YBX1: variants seen among roughly 807,000 people sequenced by gnomAD.
YBX1 encodes Y-box-binding protein 1.
Under a neutral mutation model 41.4 loss-of-function variants are expected in YBX1, and 3 were observed. The observed-to-expected ratio is 0.07, with a 90% CI of 0.03 to 0.19. YBX1 has a LOEUF of 0.19. YBX1 is among the 10% of genes least tolerant of loss of function. YBX1 has a pLI of 1.00. For synonymous variants in YBX1, 133 were observed against 165.8 expected, an observed-to-expected ratio of 0.80 and a Z score of 1.52; for missense variants, 274 against 462.8, an observed-to-expected ratio of 0.59 and a Z score of 3.74.
At chr1:42,693,419 G>T in intron 2 of YBX1, 71 bp from the exon 3 acceptor site, 1 of 1,586,486 alleles carries the variant, frequency 6.3e-7, no homozygotes. Context: ...AGAGTCTCTG[G>T]GAAAATTAAT....
chr1:42,683,046 C>T lies in YBX1; in HGVS notation c.166+315C>T, dbSNP rs560869993. Reference sequence around the variant, plus strand: ...GCCTCGTGCGCTCGGGCCCGCACGCCGTTGTTCGCGTCACCCCCACCCAGC... The same window carrying T: ...GCCTCGTGCGCTCGGGCCCGCACGCTGTTGTTCGCGTCACCCCCACCCAGC... On this transcript the variant is annotated intron_variant, in intron 1 of 7. Transcript: ENST00000321358. The T allele has an allele frequency of 1.1e-3, 475 of 425,500 alleles. 4 individuals carry two copies. Among genetic ancestry groups the T allele is most frequent in the South Asian group, 4.2e-3 (245 of 58,188 alleles). The allele number at this position is 425,500 out of a possible 1,614,324, so 26.4% of individuals were successfully genotyped here.
intron 2 of YBX1, among the ~76,000 whole-genome samples, chr1:42,692,819 G>A (rs10789424): frequency 0.49 from 74,637 of 151,970 alleles, 18,566 homozygotes; most frequent in African/African-American, 0.54. Flanking sequence ...CTACCCCCTC[G>A]CTTCTGACAT....
rs897219657 is a variant in YBX1, at chr1:42,703,589, A to G, written c.*1640A>G. 6.6e-6 allele frequency among the ~76,000 whole-genome samples: 1 copy of G among 152,192 alleles called. No individual in the cohort carries two copies. Among genetic ancestry groups the G allele is most frequent in the African/African-American group, 2.4e-5 (1 of 41,444 alleles). On this transcript the variant is annotated 3_prime_UTR_variant, in exon 8 of 8. Transcript: ENST00000321358. ...TGTTGGCAAGAGTGCAGTGGACCTG[A>G]AACTTCAACTGTTGGTAGCATCTAA...
chr1:42,701,259 A>T (rs929624764), intron 7 of YBX1, among the ~76,000 whole-genome samples: 2 of 152,180 alleles, frequency 1.3e-5, no homozygotes, highest in Non-Finnish European at 2.9e-5. Flanking sequence ...CTAGTTCTCA[A>T]TTCTGACACT....
intron 6 of YBX1, 139 bp downstream of exon 6, chr1:42,697,401 C>G (rs1470625685): frequency 1.3e-6 from 1 of 748,508 alleles, no homozygotes; most frequent in Non-Finnish European, 2.1e-6. Context: ...AGAGGTGAAC[C>G]TATTAAAAAC....
intron 6 of YBX1, among the ~76,000 whole-genome samples, chr1:42,698,260 G>A (rs1188846104): frequency 6.6e-6 from 1 of 152,190 alleles, no homozygotes; most frequent in Non-Finnish European, 1.5e-5. Context: ...ATCAGCACAT[G>A]TACATTGAGA....
rs919108179 is a variant in YBX1 at position 42,683,788 on chromosome 1, A to G, written c.230+322A>G. On this transcript the variant is annotated intron_variant, in intron 2 of 7. Transcript: ENST00000321358. ...TAAACGGGAAACTACGGTCCAGTAC[A>G]TTTTTATCCTTGTCATCTTTTTCTA... 5.3e-5 allele frequency among the ~76,000 whole-genome samples: 8 copies of G among 152,190 alleles called. No homozygotes were observed. In the East Asian group the frequency reaches 1.3e-3, roughly 26 times the overall value.
rs1344073777 is a variant in YBX1, at chr1:42,697,227, G to A, written c.705G>A (p.Gln235=). ...GAGEQGRPVR[Q]NMYRGYRPRF... ...GAGAACAAGGTAGACCAGTGAGGCA[G>A]AATATGTATCGGGGATATAGACCAC... is the stretch of plus-strand genomic sequence containing the variant. The change falls in exon 6 of 8, where the codon CAG becomes CAA. Residue 235 remains glutamine, a synonymous_variant. Transcript: ENST00000321358. 6.2e-7 allele frequency: 1 copy of A among 1,613,964 alleles called. No individual in the cohort carries two copies. The highest frequency in any genetic ancestry group is 8.5e-7 in the Non-Finnish European group (1 of 1,180,014).
chr1:42,689,661 G>A (rs1459815890), intron 2 of YBX1, among the ~76,000 whole-genome samples: 2 of 152,192 alleles, frequency 1.3e-5, no homozygotes, highest in Non-Finnish European at 2.9e-5. Flanking sequence ...GAGTTTGGAT[G>A]GATTGGGCCA....
intron 2 of YBX1, among the ~76,000 whole-genome samples, chr1:42,690,560 A>G (rs752158279): frequency 3.9e-5 from 6 of 152,172 alleles, no homozygotes; most frequent in Non-Finnish European, 8.8e-5. Context: ...GTGACCTGCA[A>G]ATCTAATTGT....
intron 1 of YBX1, 156 bp downstream of exon 1, chr1:42,682,887 G>A (rs572365985): frequency 3.8e-6 from 1 of 260,858 alleles, no homozygotes; most frequent in Admixed American, 7.5e-5. Flanking sequence ...ACTCCCTCTC[G>A]CGGGGACCCG....
intron 1 of YBX1, 61 bp from the exon 2 acceptor site, chr1:42,683,342 G>T (rs1278714509): frequency 6.2e-7 from 1 of 1,607,688 alleles, no homozygotes; most frequent in South Asian, 1.1e-5. Context: ...GCCCAAGCCG[G>T]GCGGATTTGG....
intron 6 of YBX1, 151 bp downstream of exon 6, chr1:42,697,413 G>A (rs1650488777): frequency 1.4e-6 from 1 of 704,922 alleles, no homozygotes; most frequent in African/African-American, 1.8e-5. Context: ...ATTAAAAACA[G>A]CTTGTATAGA....
Position 42,696,426 on chromosome 1 carries a change from CT to C in YBX1, c.354+139del. On this transcript the variant is annotated intron_variant, in intron 4 of 7. Coordinates refer to ENST00000321358, the MANE Select transcript of YBX1 (RefSeq NM_004559.5). This position sits in a 1 kb window ranked among gnomAD's most constrained non-coding sequence, Gnocchi z 5.7. ...ACACAGGTGCATCAAGCCTAATGTT[CT>C]GGCTGCAGTTAGAGGGCAATCTCTT... The C allele has an allele frequency of 9.9e-7, 1 of 1,007,584 alleles. No homozygotes were observed. The highest frequency in any genetic ancestry group is 1.5e-6 in the Non-Finnish European group (1 of 688,384). 62.4% of individuals were successfully genotyped at this position (1,007,584 alleles called of 1,614,324 possible).
At chr1:42,685,347 G>C (rs1032544651) in intron 2 of YBX1, among the ~76,000 whole-genome samples, 2 of 152,134 alleles carry the variant, frequency 1.3e-5, no homozygotes, top group African/African-American at 4.8e-5. Context: ...CCTTTGTTTG[G>C]ACTATCCTAA....
intron 2 of YBX1, among the ~76,000 whole-genome samples, chr1:42,689,362 A>G (rs1650274278): frequency 6.6e-6 from 1 of 152,166 alleles, no homozygotes. Context: ...TAAATCCTGG[A>G]GTTTTTATAA....
At chr1:42,688,928 G>A (rs2148736866) in intron 2 of YBX1, among the ~76,000 whole-genome samples, 1 of 152,304 alleles carries the variant, frequency 6.6e-6, no homozygotes, top group Non-Finnish European at 1.5e-5. Context: ...ATATAAGACA[G>A]AAAATGTGTT....
chr1:42,694,976 T>C (rs1328481608), intron 3 of YBX1, among the ~76,000 whole-genome samples: 2 of 152,174 alleles, frequency 1.3e-5, no homozygotes, highest in African/African-American at 2.4e-5. Flanking sequence ...ATTTTAATTA[T>C]CCATAATTCT....
intron 6 of YBX1, among the ~76,000 whole-genome samples, chr1:42,698,369 A>G (rs1650513027): frequency 6.6e-6 from 1 of 152,218 alleles, no homozygotes; most frequent in South Asian, 2.1e-4. Flanking sequence ...GATCACTACC[A>G]CAATTGAAGA....
Sources: allele counts gnomAD v4.1 joint callset (sites outside exome capture counted in the v4.1 genomes callset), GRCh38; gene constraint gnomAD v4.1.1; non-coding constraint Gnocchi (gnomAD v3.1); transcripts MANE v1.5; gene names NCBI Gene and HGNC (gene_info 2026-07-23, HGNC 2026-07-21).